Variants in PCDHGB2 observed in about 807,000 individuals in gnomAD.
The protein encoded by PCDHGB2 is protocadherin gamma-B2.
Under a neutral mutation model 59.3 loss-of-function variants are expected in PCDHGB2, and 55 were observed. That is an observed-to-expected ratio of 0.93 (90% CI 0.75 to 1.16). PCDHGB2 has a LOEUF of 1.16. PCDHGB2 is among the 50% of genes most tolerant of loss of function. The pLI, the probability that PCDHGB2 is intolerant of heterozygous loss-of-function variation, is 0.00. For synonymous variants in PCDHGB2, 516 were observed against 512.0 expected (o/e 1.01, Z -0.11); for missense variants, 1,228 against 1,198.5 (o/e 1.02, Z -0.36).
Position 141,487,665 on chromosome 5 carries a change from G to T in PCDHGB2, c.2422-7142G>T, listed in dbSNP as rs373971935. 8.7e-5 allele frequency: 141 copies of T among 1,612,724 alleles called. No individual in the cohort carries two copies. The highest frequency in any genetic ancestry group is 1.1e-4 in the Non-Finnish European group (135 of 1,179,392). On this transcript the variant is annotated intron_variant, in intron 1 of 3. Coordinates refer to ENST00000522605, the MANE Select transcript of PCDHGB2 (RefSeq NM_018923.3). The surrounding 1 kb of genome is among the most constrained non-coding windows in gnomAD (Gnocchi z 5.0). ...ATGCTTGAGGGTTATTCTGATCCAG[G>T]CATATGGCTAGGCCATGTCCTAGAG...
At chr5:141,483,501 G>C (rs1022338958) in intron 1 of PCDHGB2, among the ~76,000 whole-genome samples, 2 of 150,394 alleles carry the variant, frequency 1.3e-5, no homozygotes, top group African/African-American at 4.9e-5. Context: ...ATGAGTCAAG[G>C]CTGATCCCCC....
At chr5:141,408,618 A>C (rs1264915663) in intron 1 of PCDHGB2, 1 of 1,614,024 alleles carries the variant, frequency 6.2e-7, no homozygotes, top group Admixed American at 1.7e-5. Flanking sequence ...AAGGAAATAC[A>C]TTTAGAAATT....
chr5:141,431,702 T>C lies in PCDHGB2; in HGVS notation c.2422-63105T>C, dbSNP rs1349630251. The C allele has an allele frequency of 5.6e-6, 9 of 1,614,110 alleles. No individual in the cohort carries two copies. In the East Asian group the frequency reaches 8.9e-5, roughly 16 times the overall value. Reference sequence around the variant, plus strand: ...GTTGGACCACGAGGAGTCAGGATTCTACCAGATGGAAGTGCAAGCAATGGA... The same window carrying C: ...GTTGGACCACGAGGAGTCAGGATTCCACCAGATGGAAGTGCAAGCAATGGA... On this transcript the variant is annotated intron_variant, in intron 1 of 3. Transcript: ENST00000522605. This position sits in a 1 kb window ranked among gnomAD's most constrained non-coding sequence, Gnocchi z 4.8.
At chr5:141,412,084 G>C (rs1199665555) in intron 1 of PCDHGB2, 1 of 152,170 alleles carries the variant, frequency 6.6e-6, no homozygotes, top group East Asian at 1.9e-4. Flanking sequence ...ATTGCTACTG[G>C]GTTGATGGGC....
At chr5:141,375,056 CCAGGT>C in intron 1 of PCDHGB2, 2 of 1,613,966 alleles carry the variant, frequency 1.2e-6, no homozygotes, top group Non-Finnish European at 1.7e-6. Flanking sequence ...CCGGGATGGG[CCAGGT>C]CTTCGAGACA....
intron 1 of PCDHGB2, chr5:141,410,044 C>T (rs1220745023): frequency 1.7e-5 from 27 of 1,613,184 alleles, no homozygotes; most frequent in Admixed American, 3.3e-5. Context: ...CCAGTGAGCC[C>T]GGACTCTTCA....
At chr5:141,385,427 T>C (rs1052771598) in intron 1 of PCDHGB2, 27 of 1,460,068 alleles carry the variant, frequency 1.8e-5, no homozygotes, top group Non-Finnish European at 2.3e-5. Context: ...TAAAAAACTT[T>C]ATAGAGGTAA....
intron 1 of PCDHGB2, chr5:141,409,895 C>T (rs928044268): frequency 2.5e-6 from 4 of 1,613,098 alleles, no homozygotes; most frequent in Non-Finnish European, 3.4e-6. Flanking sequence ...GGTGCTGTAC[C>T]CAGCTCTGGG....
At position 141,490,712 on chromosome 5, in the gene PCDHGB2, A is replaced by T; in HGVS notation, c.2422-4095A>T. The stretch of plus-strand genomic sequence containing the variant: ...ACTGGGGATAATGCCCGCCTCACCT[A>T]CTCCATTGTAGGAAATCAGGTTCAG... On this transcript the variant is annotated intron_variant, in intron 1 of 3. Transcript: ENST00000522605. The surrounding 1 kb of genome is among the most constrained non-coding windows in gnomAD (Gnocchi z 5.4). The T allele has an allele frequency of 6.2e-7, 1 of 1,613,686 alleles. No homozygotes were observed. The highest frequency in any genetic ancestry group is 8.5e-7 in the Non-Finnish European group (1 of 1,179,894).
intron 1 of PCDHGB2, among the ~76,000 whole-genome samples, chr5:141,459,757 G>T (rs1360124889): frequency 6.6e-6 from 1 of 152,162 alleles, no homozygotes; most frequent in Admixed American, 6.6e-5. Flanking sequence ...ATTCTAGTGG[G>T]TGTGTGATAC....
intron 1 of PCDHGB2, chr5:141,370,267 C>G (rs960781969): frequency 3.9e-6 from 3 of 767,522 alleles, no homozygotes; most frequent in Non-Finnish European, 6.1e-6. Flanking sequence ...CTTCCTGCAG[C>G]GGAGACACCC....
At chr5:141,400,341 C>T in intron 1 of PCDHGB2, 7 of 1,614,070 alleles carry the variant, frequency 4.3e-6, no homozygotes, top group Non-Finnish European at 5.9e-6. Flanking sequence ...TTCCCCCCAA[C>T]TACAGTCAGG....
At chr5:141,368,710 A>G (rs1008956527) in intron 1 of PCDHGB2, among the ~76,000 whole-genome samples, 1 of 152,160 alleles carries the variant, frequency 6.6e-6, no homozygotes, top group African/African-American at 2.4e-5. Flanking sequence ...TGATCCATAC[A>G]TTTTGAATGT....
intron 1 of PCDHGB2, chr5:141,423,757 G>T (rs562479446): frequency 7.3e-5 from 29 of 395,130 alleles, no homozygotes; most frequent in Non-Finnish European, 9.5e-5. Flanking sequence ...GTTTGGGGGG[G>T]GGGTGGGGCG....
intron 1 of PCDHGB2, chr5:141,378,088 T>A (rs1218204650): frequency 6.6e-6 from 1 of 152,252 alleles, no homozygotes; most frequent in African/African-American, 2.4e-5. Context: ...TTATAACTTT[T>A]TTTCAAACTC....
intron 1 of PCDHGB2, among the ~76,000 whole-genome samples, chr5:141,402,682 T>C (rs1012328239): frequency 2.0e-5 from 3 of 152,256 alleles, no homozygotes; most frequent in South Asian, 4.1e-4. Context: ...CCATCTGATA[T>C]AATGTTACAC....
intron 1 of PCDHGB2, chr5:141,392,663 A>C: frequency 1.2e-6 from 1 of 810,712 alleles, no homozygotes; most frequent in Non-Finnish European, 1.8e-6. Flanking sequence ...GATGCCACAA[A>C]CTAACTGCTG....
At chr5:141,398,905 A>C in intron 1 of PCDHGB2, 1 of 1,613,984 alleles carries the variant, frequency 6.2e-7, no homozygotes, top group Non-Finnish European at 8.5e-7. Context: ...ACCAGGCACC[A>C]CTGTGTTGCA....
At position 141,486,881 on chromosome 5, in the gene PCDHGB2, G is replaced by T. The variant is rs114512641; in HGVS notation, c.2422-7926G>T. The T allele has an allele frequency of 1.3e-5, 21 of 1,614,090 alleles. No homozygotes were observed. The East Asian group carries it at 4.7e-4, about 36-fold the overall frequency. ...TGCTCCAGCTGTGCTCCGTCCTCGG[G>T]CCCGGCCTGGTTCCTTATGTCCCCA... is the stretch of plus-strand genomic sequence containing the variant. On this transcript the variant is annotated intron_variant, in intron 1 of 3. Coordinates refer to ENST00000522605, the MANE Select transcript of PCDHGB2 (RefSeq NM_018923.3). This position sits in a 1 kb window ranked among gnomAD's most constrained non-coding sequence, Gnocchi z 5.0.
Sources: allele counts gnomAD v4.1 joint callset (sites outside exome capture counted in the v4.1 genomes callset), GRCh38; gene constraint gnomAD v4.1.1; non-coding constraint Gnocchi (gnomAD v3.1); transcripts MANE v1.5; gene names NCBI Gene and HGNC (gene_info 2026-07-23, HGNC 2026-07-21).